Variants in APOA2 observed in about 807,000 individuals in gnomAD.
APOA2 encodes apolipoprotein A-II.
APOA2 carries 3 observed loss-of-function variants against 7.4 expected under a neutral mutation model. That is an observed-to-expected ratio of 0.41 (90% CI 0.18 to 1.05). APOA2 has a LOEUF of 1.05. APOA2 is among the 50% of genes least tolerant of loss of function. The pLI is 0.33. For synonymous variants in APOA2, 42 were observed against 47.8 expected, an observed-to-expected ratio of 0.88 and a Z score of 0.50; for missense variants, 90 against 116.3, an observed-to-expected ratio of 0.77 and a Z score of 1.04.
At chr1:161,222,773 G>T in intron 3 of APOA2, 145 bp downstream of exon 3, 2 of 1,219,024 alleles carry the variant, frequency 1.6e-6, no homozygotes, top group Non-Finnish European at 2.4e-6. Flanking sequence ...TGGGATCTTT[G>T]GGTGATGAAA....
rs1200649670 is a variant in APOA2 at position 161,223,357 on chromosome 1, G to A, written c.45C>T (p.Ser15=). 1.9e-6 allele frequency: 3 copies of A among 1,613,984 alleles called. No individual in the cohort carries two copies. The highest frequency in any genetic ancestry group is 8.5e-7 in the Non-Finnish European group (1 of 1,179,966). ...AATVLLLTIC[S]LEGALVRRQA... ...TCTCCATATCACACCCACCTTCAAG[G>A]CTGCAGATGGTGAGGAGTAGCACAG... The change falls in exon 2 of 4, where the codon AGC becomes AGT. Residue 15 remains serine (S), a synonymous_variant. Transcript: ENST00000367990.
At position 161,223,038 on chromosome 1, in the gene APOA2, C is replaced by T. The variant is rs747822892; in HGVS notation, c.65G>A (p.Arg22Gln). The T allele has an allele frequency of 4.4e-5, 70 of 1,608,070 alleles. No individual in the cohort carries two copies. The East Asian group carries it at 1.0e-3, about 23-fold the overall frequency. ...CACACATGGCTCCTTTGCCTGTCTC[C>T]GAACCAAAGCTCCTGCCCACACACA... ...TICSLEGALV[R>Q]RQAKEPCVES... Residue 22 changes from arginine (R) to glutamine (Q), a missense_variant, in exon 3 of 4, where the codon CGG becomes CAG. Arg to Gln is a conservative substitution (Grantham distance 43). Transcript: ENST00000367990.
At chr1:161,223,481 C>T (rs1436635564) in intron 1 of APOA2, 56 bp from the exon 2 acceptor site, 1 of 1,430,446 alleles carries the variant, frequency 7.0e-7, no homozygotes, top group African/African-American at 1.4e-5. Context: ...GGCTTCAGCT[C>T]CTCCCCAGGG....
Position 161,222,326 on chromosome 1 carries a change from G to T in APOA2, c.*79C>A. ...TCAGCATTTATTGTAGCAAAGAGTG[G>T]GTAGGGACAGGAGCTCTAGGACTGG... On this transcript the variant is annotated 3_prime_UTR_variant, in exon 4 of 4. Coordinates refer to ENST00000367990, the MANE Select transcript of APOA2 (RefSeq NM_001643.2). The T allele has an allele frequency of 9.8e-7, 1 of 1,016,682 alleles. No homozygotes were observed. Among genetic ancestry groups the T allele is most frequent in the South Asian group, 1.3e-5 (1 of 75,708 alleles). 63.0% of individuals were successfully genotyped at this position (1,016,682 alleles called of 1,614,324 possible). A position where few individuals can be genotyped will look rare whatever the true frequency, so the allele number is the denominator to read the frequency against.
rs766908552 is a variant in APOA2, at chr1:161,222,935, C to CTCTGGGCTCT, written c.158_167dup (p.Leu57GlufsTer13). 4 of 1,614,206 alleles carry CTCTGGGCTCT rather than the reference C, an allele frequency of 2.5e-6. No individual in the cohort carries two copies. In the South Asian group the frequency reaches 4.4e-5, roughly 18 times the overall value. The stretch of plus-strand genomic sequence containing the variant: ...AGACTTACTTGGCCTCGGCCTGAAG[C>CTCTGGGCTCT]TCTGGGCTCTTGACCTTCTCCATCA... On this transcript the variant is annotated frameshift_variant, in exon 3 of 4. Coordinates refer to ENST00000367990, the MANE Select transcript of APOA2 (RefSeq NM_001643.2). LOFTEE classifies it low-confidence loss of function (END_TRUNC).
rs1666200094 is a variant in APOA2, at chr1:161,223,067, ACACAC to A, written c.53-22_53-18del. On this transcript the variant is annotated intron_variant, in intron 2 of 3. Transcript: ENST00000367990. The stretch of plus-strand genomic sequence containing the variant: ...CCAAAGCTCCTGCCCACACACACAC[ACACAC>A]ACACACACACACACACACACACTCT... 1.2e-6 allele frequency: 1 copy of A among 842,286 alleles called. No homozygotes were observed. The highest frequency in any genetic ancestry group is 1.8e-5 in the African/African-American group (1 of 55,696). The allele number at this position is 842,286 out of a possible 1,614,324, so 52.2% of individuals were successfully genotyped here.
In APOA2 at chr1:161,222,354, A is replaced by C; in HGVS notation, c.*51T>G. On this transcript the variant is annotated 3_prime_UTR_variant, in exon 4 of 4. Coordinates refer to ENST00000367990, the MANE Select transcript of APOA2 (RefSeq NM_001643.2). The stretch of plus-strand genomic sequence containing the variant: ...AGGGACAGGAGCTCTAGGACTGGCC[A>C]GTGGGTGTTCTAGAGGCCAGCTGGG... 1 of 1,371,392 alleles carries C rather than the reference A, an allele frequency of 7.3e-7. No homozygotes were observed. The highest frequency in any genetic ancestry group is 1.0e-6 in the Non-Finnish European group (1 of 959,632). The allele number at this position is 1,371,392 out of a possible 1,614,324, so 85.0% of individuals were successfully genotyped here.
chr1:161,222,620 C>A, intron 3 of APOA2, 98 bp from the exon 4 acceptor site: 1 of 1,140,550 alleles, frequency 8.8e-7, no homozygotes, highest in Admixed American at 1.7e-5. Flanking sequence ...GACTCAGGTC[C>A]CCAAACTCTA....
rs767563719 is a variant in APOA2 at position 161,222,429 on chromosome 1, A to G, written c.279T>C (p.Leu93=). 6.2e-7 allele frequency: 1 copy of G among 1,614,208 alleles called. No individual in the cohort carries two copies. Among genetic ancestry groups the G allele is most frequent in the South Asian group, 1.1e-5 (1 of 91,088 alleles). The change falls in exon 4 of 4, where the codon CTT becomes CTC. Residue 93 remains leucine (L), a synonymous_variant. Transcript: ENST00000367990. ...TTCACTGGGTGGCAGGCTGTGTTCC[A>G]AGTTCCACGAAATAGCTCAAGAAGT... is the stretch of plus-strand genomic sequence containing the variant. ...LVNFLSYFVE[L]GTQPATQ is the part of the protein sequence containing the mutation.
intron 3 of APOA2, among the ~76,000 whole-genome samples, 193 bp downstream of exon 3, chr1:161,222,725 G>T (rs1430117927): frequency 6.6e-6 from 1 of 152,166 alleles, no homozygotes; most frequent in African/African-American, 2.4e-5. Flanking sequence ...GAAATTCAAG[G>T]CCCAGTTCTT....
chr1:161,223,273 A>G, intron 2 of APOA2, 77 bp downstream of exon 2: 1 of 1,591,190 alleles, frequency 6.3e-7, no homozygotes, highest in South Asian at 1.1e-5. Flanking sequence ...AGACCTGGAT[A>G]TAAGAGCACA....
chr1:161,222,539 A>G lies in APOA2; in HGVS notation c.186-17T>C. 6.2e-7 allele frequency: 1 copy of G among 1,606,488 alleles called. No homozygotes were observed. ...AAGTAAGACCTGGATAGGTGAGGGG[A>G]TTAGAGTTTAATCTGAGGGACCCTA... On this transcript the variant is annotated splice_polypyrimidine_tract_variant and intron_variant, in intron 3 of 3. Transcript: ENST00000367990.
Position 161,222,488 on chromosome 1 carries a change from G to T in APOA2, c.220C>A (p.Pro74Thr). The change falls in exon 4 of 4, where the codon CCC (proline) becomes ACC (threonine). Residue 74 changes from proline (P) to threonine (T), a missense_variant. By Grantham distance (38) the Pro-to-Thr change is conservative (BLOSUM62 -1). Coordinates refer to ENST00000367990, the MANE Select transcript of APOA2 (RefSeq NM_001643.2). ...TCCGTTCCAGCCTTCTTGATCAGGG[G>T]TGTCAGCTGCTCCTTTGACTTTTCA... ...YFEKSKEQLT[P>T]LIKKAGTELV... 1 of 1,614,230 alleles carries T rather than the reference G, an allele frequency of 6.2e-7. No homozygotes were observed. Among genetic ancestry groups the T allele is most frequent in the Non-Finnish European group, 8.5e-7 (1 of 1,180,044 alleles).
chr1:161,222,548 T>A (rs754055541), intron 3 of APOA2, 26 bp from the exon 4 acceptor site: 15 of 1,592,648 alleles, frequency 9.4e-6, no homozygotes, highest in Non-Finnish European at 4.3e-6. Flanking sequence ...GATTAGAGTT[T>A]AATCTGAGGG....
intron 1 of APOA2, 71 bp from the exon 2 acceptor site, chr1:161,223,496 C>T (rs1247265585): frequency 2.3e-6 from 3 of 1,292,048 alleles, no homozygotes; most frequent in Admixed American, 1.9e-5. Context: ...CCAGGGATCT[C>T]CCTACCTGCT....
At chr1:161,222,650 G>T in intron 3 of APOA2, 128 bp from the exon 4 acceptor site, 1 of 969,784 alleles carries the variant, frequency 1.0e-6, no homozygotes, top group Non-Finnish European at 1.7e-6. Flanking sequence ...CCATCGCATG[G>T]CAAAGCCCCT....
rs12721033 is a variant in APOA2, at chr1:161,223,547, C to G, written c.-25+48G>C. The G allele has an allele frequency of 6.5e-3, 5,044 of 778,380 alleles. 22 individuals carry two copies. Among genetic ancestry groups the G allele is most frequent in the Non-Finnish European group, 8.3e-3 (3,805 of 457,668 alleles). 48.2% of individuals were successfully genotyped at this position (778,380 alleles called of 1,614,324 possible). The stretch of plus-strand genomic sequence containing the variant: ...GCTCTCTCCCTCTCCACAACTGAAG[C>G]CCAGGCCTCTTTGGATGCTGCTCAC... On this transcript the variant is annotated intron_variant, in intron 1 of 3. Transcript: ENST00000367990.
rs763841021 is a variant in APOA2, at chr1:161,223,069, ACACAC to A, written c.53-24_53-20del. ...AAAGCTCCTGCCCACACACACACAC[ACACAC>A]ACACACACACACACACACACTCTTT... On this transcript the variant is annotated intron_variant, in intron 2 of 3. Transcript: ENST00000367990. The A allele has an allele frequency of 4.6e-5, 54 of 1,172,248 alleles. No individual in the cohort carries two copies. In the Middle Eastern group the frequency reaches 2.2e-3, roughly 47 times the overall value. The allele number at this position is 1,172,248 out of a possible 1,614,324, so 72.6% of individuals were successfully genotyped here.
chr1:161,223,494 C>G (rs764694641), intron 1 of APOA2, 69 bp from the exon 2 acceptor site: 36 of 1,308,894 alleles, frequency 2.8e-5, no homozygotes, highest in Admixed American at 7.7e-5. Context: ...CCCCAGGGAT[C>G]TCCCTACCTG....
Sources: gnomAD v4.1 joint callset for allele counts (sites outside exome capture counted in the v4.1 genomes callset) on GRCh38, gnomAD v4.1.1 for gene constraint, MANE v1.5 for transcripts, NCBI Gene and HGNC (gene_info 2026-07-23, HGNC 2026-07-21) for gene names.